ADAT1: variants seen among roughly 807,000 people sequenced by gnomAD.
ADAT1 encodes tRNA-specific adenosine deaminase 1.
ADAT1 carries 58 observed loss-of-function variants against 58.6 expected under a neutral mutation model. The ratio of observed to expected loss-of-function variants is 0.99; its 90% CI spans 0.80 to 1.23. The LOEUF (loss-of-function observed/expected upper bound fraction) is 1.23, where lower values mean the gene tolerates loss of function less well. ADAT1 is among the 50% of genes most tolerant of loss of function. The pLI, the probability that ADAT1 is intolerant of heterozygous loss-of-function variation, is 0.00. For missense variants in ADAT1, 741 were observed against 608.6 expected, an observed-to-expected ratio of 1.22 and a Z score of -2.29; for synonymous variants, 254 against 220.8, an observed-to-expected ratio of 1.15 and a Z score of -1.33.
intron 9 of ADAT1, among the ~76,000 whole-genome samples, chr16:75,602,250 G>C (rs151185661): frequency 3.3e-5 from 5 of 152,318 alleles, no homozygotes; most frequent in Non-Finnish European, 7.4e-5. Flanking sequence ...AAAAACTTTG[G>C]ACACTGATGT....
chr16:75,611,463 G>T (rs1421653646), intron 6 of ADAT1, among the ~76,000 whole-genome samples: 7 of 151,998 alleles, frequency 4.6e-5, no homozygotes, highest in Admixed American at 4.6e-4. Context: ...TTGGTTCACT[G>T]CAGCCTCAAT....
At position 75,597,402 on chromosome 16, in the gene ADAT1, C is replaced by A. The variant is rs1017832587; in HGVS notation, c.*2814G>T. 1.3e-5 allele frequency: 6 copies of A among 450,946 alleles called. No homozygotes were observed. The highest frequency in any genetic ancestry group is 2.7e-5 in the Non-Finnish European group (6 of 224,386). 27.9% of individuals were successfully genotyped at this position (450,946 alleles called of 1,614,324 possible). A position where few individuals can be genotyped will look rare whatever the true frequency, so the allele number is the denominator to read the frequency against. On this transcript the variant is annotated 3_prime_UTR_variant, in exon 10 of 10. Coordinates refer to ENST00000564657, the MANE Select transcript of ADAT1 (RefSeq NM_001324445.2). The stretch of plus-strand genomic sequence containing the variant: ...GAGCCATCAGAAGCTAAGGAGGAAG[C>A]ATGAAAGAGTCTTCTTCAGAGCAGC...
At chr16:75,608,731 G>A (rs778397016) in intron 7 of ADAT1, 112 bp downstream of exon 7, 193 of 1,334,072 alleles carry the variant, frequency 1.4e-4, no homozygotes, top group African/African-American at 4.4e-4. Context: ...CCACACTACC[G>A]GCCACTAGAG....
At chr16:75,618,713 C>T in intron 3 of ADAT1, 73 bp from the exon 4 acceptor site, 5 of 1,562,718 alleles carry the variant, frequency 3.2e-6, no homozygotes, top group Non-Finnish European at 4.3e-6. Context: ...AAGCAGAACA[C>T]AGCAGTCCCA....
At position 75,597,612 on chromosome 16, in the gene ADAT1, T is replaced by C. The variant is rs576116952; in HGVS notation, c.*2604A>G. On this transcript the variant is annotated 3_prime_UTR_variant, in exon 10 of 10. Coordinates refer to ENST00000564657, the MANE Select transcript of ADAT1 (RefSeq NM_001324445.2). ...TATTTCTATTATTATTACATCGTAA[T>C]ACATGATGAAATAATTATACAACTC... Among the ~76,000 whole-genome samples, 10 of 152,316 alleles carry C rather than the reference T, an allele frequency of 6.6e-5. No individual in the cohort carries two copies. The South Asian group carries it at 1.7e-3, about 25-fold the overall frequency.
At chr16:75,601,153 C>T (rs1848721417) in intron 9 of ADAT1, among the ~76,000 whole-genome samples, 2 of 152,062 alleles carry the variant, frequency 1.3e-5, no homozygotes, top group Non-Finnish European at 2.9e-5. Flanking sequence ...CCAGCCTGGC[C>T]AACATGGTGA....
intron 5 of ADAT1, among the ~76,000 whole-genome samples, chr16:75,615,121 G>C (rs2081658432): frequency 6.6e-6 from 1 of 151,616 alleles, no homozygotes; most frequent in Admixed American, 6.6e-5. Flanking sequence ...CACCTACTTG[G>C]GAGGCCAAGG....
chr16:75,615,595 A>G (rs1009896295), intron 5 of ADAT1, among the ~76,000 whole-genome samples: 1 of 149,734 alleles, frequency 6.7e-6, no homozygotes, highest in African/African-American at 2.5e-5. Context: ...CCTGGGCTGC[A>G]TGTAGCCAGG....
intron 5 of ADAT1, 75 bp downstream of exon 5, chr16:75,617,067 A>C: frequency 3.5e-4 from 521 of 1,506,466 alleles, no homozygotes; most frequent in Non-Finnish European, 4.2e-4. Context: ...TTTTAGGAAA[A>C]AACCTACCTA....
At chr16:75,621,064 A>G (rs757433681) in intron 1 of ADAT1, among the ~76,000 whole-genome samples, 2 of 151,978 alleles carry the variant, frequency 1.3e-5, no homozygotes, top group Non-Finnish European at 2.9e-5. Context: ...TTAATGTTAT[A>G]TATCTGATAC....
intron 8 of ADAT1, among the ~76,000 whole-genome samples, chr16:75,606,088 C>T (rs1310127700): frequency 2.0e-5 from 3 of 150,282 alleles, no homozygotes; most frequent in Non-Finnish European, 2.9e-5. Context: ...AGGCTGGTCT[C>T]GAACTCCTGG....
rs185928064 is a variant in ADAT1 at position 75,622,031 on chromosome 16, T to G, written c.-22+372A>C. Among the ~76,000 whole-genome samples the G allele has an allele frequency of 6.9e-3, 1,055 of 152,234 alleles. 13 individuals carry two copies. The highest frequency in any genetic ancestry group is 0.024 in the African/African-American group (1,013 of 41,546). The stretch of plus-strand genomic sequence containing the variant: ...CGGGCGTGATGGCGCGTGCCTGTAG[T>G]CCCAGCTACTCGGGAGGCTGAGGCA... On this transcript the variant is annotated intron_variant, in intron 1 of 9. Coordinates refer to ENST00000564657, the MANE Select transcript of ADAT1 (RefSeq NM_001324445.2).
Position 75,608,922 on chromosome 16 carries a change from A to T in ADAT1, c.1110T>A (p.Asp370Glu). The T allele has an allele frequency of 1.9e-6, 3 of 1,614,186 alleles. No homozygotes were observed. The highest frequency in any genetic ancestry group is 2.5e-6 in the Non-Finnish European group (3 of 1,180,026). Residue 370 changes from aspartate to glutamate, a missense_variant, in exon 7 of 10, where the codon GAT becomes GAA. By Grantham distance (45) the Asp-to-Glu change is conservative. Coordinates refer to ENST00000564657, the MANE Select transcript of ADAT1 (RefSeq NM_001324445.2). Reference protein sequence around the residue: ...GVQELKILQSDLLFEQSRSAV... With the variant: ...GVQELKILQSELLFEQSRSAV... ...CACTGCGGCTCTGTTCAAATAGTAAATCTGACTGCAGTATTTTTAATTCTT... is the reference window on the plus strand; with the variant it reads ...CACTGCGGCTCTGTTCAAATAGTAATTCTGACTGCAGTATTTTTAATTCTT...
At chr16:75,611,280 T>A (rs1424624230) in intron 6 of ADAT1, among the ~76,000 whole-genome samples, 2 of 152,170 alleles carry the variant, frequency 1.3e-5, no homozygotes. Flanking sequence ...TTAGCGCTCA[T>A]CCTCTTATAA....
At chr16:75,607,190 G>A (rs1168732921) in intron 8 of ADAT1, among the ~76,000 whole-genome samples, 1 of 152,056 alleles carries the variant, frequency 6.6e-6, no homozygotes, top group Non-Finnish European at 1.5e-5. Context: ...TTGTCATTAG[G>A]GAAATGTAAA....
At position 75,612,621 on chromosome 16, in the gene ADAT1, T is replaced by A. The variant is rs779826758; in HGVS notation, c.665A>T (p.Lys222Ile). 1 of 1,614,090 alleles carries A rather than the reference T, an allele frequency of 6.2e-7. No individual in the cohort carries two copies. Among genetic ancestry groups the A allele is most frequent in the Non-Finnish European group, 8.5e-7 (1 of 1,180,014 alleles). Residue 222 changes from lysine to isoleucine, a missense_variant, in exon 6 of 10, where the codon AAA (lysine) becomes ATA (isoleucine). Physicochemically the swap from Lys to Ile is moderately radical, Grantham distance 102. Coordinates refer to ENST00000564657, the MANE Select transcript of ADAT1 (RefSeq NM_001324445.2). ...GATGCCTGGTGAGATTGGGCCACTT[T>A]TCTGCTTGCCAAAACTCTGATGGTG... ...AAHHQSFGKQ[K>I]SGPISPGIHS...
rs1406386366 is a variant in ADAT1 at position 75,612,392 on chromosome 16, G to A, written c.894C>T (p.Ser298=). Residue 298 remains serine, a synonymous_variant, in exon 6 of 10, where the codon TCC becomes TCT. Coordinates refer to ENST00000564657, the MANE Select transcript of ADAT1 (RefSeq NM_001324445.2). ...TCCATCGGGCCATCTTGTCACTACA[G>A]GACATGGAGCGTGTTCTGTCTCCAC... ...PGRGDRTRSM[S]CSDKMARWNV... The A allele has an allele frequency of 2.5e-6, 4 of 1,614,124 alleles. No individual in the cohort carries two copies. Among genetic ancestry groups the A allele is most frequent in the Admixed American group, 1.7e-5 (1 of 60,008 alleles).
intron 1 of ADAT1, among the ~76,000 whole-genome samples, chr16:75,622,178 C>G (rs190798817): frequency 5.9e-5 from 9 of 152,206 alleles, no homozygotes; most frequent in Admixed American, 5.2e-4. Context: ...TTCCTGAGCT[C>G]CAGTGCATGC....
In ADAT1 at chr16:75,608,976, C is replaced by T; in HGVS notation, c.1056G>A (p.Val352=). The T allele has an allele frequency of 1.2e-6, 2 of 1,614,158 alleles. No homozygotes were observed. Among genetic ancestry groups the T allele is most frequent in the Admixed American group, 1.7e-5 (1 of 60,002 alleles). Residue 352 remains valine, a synonymous_variant, in exon 7 of 10, where the codon GTG becomes GTA. Coordinates refer to ENST00000564657, the MANE Select transcript of ADAT1 (RefSeq NM_001324445.2). The part of the protein sequence containing the change: ...QRALIGRCQN[V]SALPKGFGVQ... ...CTCCGAAGCCTTTTGGTAAAGCAGA[C>T]ACATTCTGACACCTAAATACAAGGG...
Sources: gnomAD v4.1 joint callset for allele counts (sites outside exome capture counted in the v4.1 genomes callset) on GRCh38, gnomAD v4.1.1 for gene constraint, MANE v1.5 for transcripts, NCBI Gene and HGNC (gene_info 2026-07-23, HGNC 2026-07-21) for gene names.